The following IMMP2L variants were observed in gnomAD, a reference collection of about 807,000 sequenced individuals.
The protein encoded by IMMP2L is mitochondrial inner membrane protease subunit 2.
A neutral mutation model predicts 19.3 loss-of-function variants in IMMP2L; 18 were observed. The observed-to-expected ratio is 0.93, with a 90% CI of 0.64 to 1.38. The LOEUF (loss-of-function observed/expected upper bound fraction) is 1.38, where lower values mean the gene tolerates loss of function less well. IMMP2L is among the 40% of genes most tolerant of loss of function. IMMP2L has a pLI of 0.00. For synonymous variants in IMMP2L, 76 were observed against 73.0 expected (o/e 1.04, Z -0.21); for missense variants, 233 against 218.2 (o/e 1.07, Z -0.43).
chr7:110,882,981 C>T (rs938513595), intron 5 of IMMP2L, among the ~76,000 whole-genome samples: 1 of 152,014 alleles, frequency 6.6e-6, no homozygotes, highest in African/African-American at 2.4e-5. Context: ...CACAGGTGCT[C>T]AAAAATGTGT....
chr7:111,514,777 A>T (rs755524835), intron 2 of IMMP2L, among the ~76,000 whole-genome samples: 1 of 152,198 alleles, frequency 6.6e-6, no homozygotes, highest in East Asian at 1.9e-4. Flanking sequence ...TATTCTTGCC[A>T]TATTATTTTA....
chr7:110,750,733 T>G (rs1273731935), intron 5 of IMMP2L, among the ~76,000 whole-genome samples: 1 of 152,026 alleles, frequency 6.6e-6, no homozygotes, highest in East Asian at 1.9e-4. Context: ...CCAAATACTG[T>G]ATTTTCTGTA....
chr7:111,480,969 C>T (rs1420044320), intron 3 of IMMP2L, among the ~76,000 whole-genome samples: 1 of 152,082 alleles, frequency 6.6e-6, no homozygotes, highest in African/African-American at 2.4e-5. Flanking sequence ...AAGCATCTTT[C>T]GTTTTTCTTT....
chr7:110,786,214 C>T (rs1800067087), intron 5 of IMMP2L, among the ~76,000 whole-genome samples: 1 of 151,910 alleles, frequency 6.6e-6, no homozygotes, highest in African/African-American at 2.4e-5. Context: ...TTATAATAAG[C>T]TGTATCAAAT....
At chr7:110,937,475 C>T (rs1816249566) in intron 4 of IMMP2L, among the ~76,000 whole-genome samples, 2 of 152,222 alleles carry the variant, frequency 1.3e-5, no homozygotes, top group African/African-American at 4.8e-5. Flanking sequence ...TCCGGGTACT[C>T]CAAGCTTAGG....
chr7:111,310,914 T>A (rs1191947624), intron 3 of IMMP2L, among the ~76,000 whole-genome samples: 3 of 152,200 alleles, frequency 2.0e-5, no homozygotes, highest in Non-Finnish European at 1.5e-5. Flanking sequence ...CAGAGCATTA[T>A]GGTTTCTAAC....
intron 3 of IMMP2L, among the ~76,000 whole-genome samples, chr7:111,120,554 A>G (rs902640902): frequency 6.6e-6 from 1 of 152,152 alleles, no homozygotes. Flanking sequence ...CAGCCAAACC[A>G]TATCAGTGAT....
At chr7:110,683,055 T>C (rs1432596192) in intron 5 of IMMP2L, among the ~76,000 whole-genome samples, 1 of 152,042 alleles carries the variant, frequency 6.6e-6, no homozygotes, top group East Asian at 1.9e-4. Context: ...ATACATCAGA[T>C]AAGATGAGTG....
chr7:110,998,408 G>A (rs1281769782), intron 3 of IMMP2L, among the ~76,000 whole-genome samples: 1 of 152,160 alleles, frequency 6.6e-6, no homozygotes, highest in Non-Finnish European at 1.5e-5. Flanking sequence ...TTACTAGAAT[G>A]AAGAGAAGAT....
At position 110,819,254 on chromosome 7, in the gene IMMP2L, G is replaced by C. The variant is rs145148357; in HGVS notation, c.408+67339C>G. On this transcript the variant is annotated intron_variant, in intron 5 of 5. Transcript: ENST00000405709. ...TGGAAGTCATGGTAAGGTAAAGATA[G>C]GTTACAGCGGAAGAGAAGCAGCTTA... Among the ~76,000 whole-genome samples the C allele has an allele frequency of 3.0e-3, 460 of 152,116 alleles. 1 individual carries two copies. The highest frequency in any genetic ancestry group is 0.01 in the African/African-American group (430 of 41,530).
intron 5 of IMMP2L, among the ~76,000 whole-genome samples, chr7:110,698,790 T>C (rs1224127167): frequency 1.3e-5 from 2 of 152,184 alleles, no homozygotes; most frequent in Non-Finnish European, 2.9e-5. Context: ...ACCACATCAT[T>C]TGAGTCATCA....
intron 3 of IMMP2L, among the ~76,000 whole-genome samples, chr7:111,114,328 GCCAC>G (rs1799590032): frequency 6.6e-6 from 1 of 151,950 alleles, no homozygotes; most frequent in African/African-American, 2.4e-5. Context: ...CTATCTCTAT[GCCAC>G]TGTTTGACAG....
chr7:110,841,414 T>G (rs1237309204), intron 5 of IMMP2L, among the ~76,000 whole-genome samples: 4 of 145,028 alleles, frequency 2.8e-5, no homozygotes, highest in Non-Finnish European at 6.2e-5. Flanking sequence ...TAATGAAAAA[T>G]CTATGCACGA....
chr7:110,988,753 A>T (rs995287298), intron 3 of IMMP2L, among the ~76,000 whole-genome samples: 5 of 152,160 alleles, frequency 3.3e-5, no homozygotes, highest in African/African-American at 9.7e-5. Flanking sequence ...AGTTAAGTGA[A>T]TTATTGTATT....
At chr7:110,859,020 T>C (rs572572968) in intron 5 of IMMP2L, among the ~76,000 whole-genome samples, 1 of 152,270 alleles carries the variant, frequency 6.6e-6, no homozygotes, top group East Asian at 1.9e-4. Context: ...TCAATCATTT[T>C]GGTTTGTAGA....
intron 1 of IMMP2L, among the ~76,000 whole-genome samples, chr7:111,531,139 T>C (rs1045409194): frequency 6.6e-6 from 1 of 151,866 alleles, no homozygotes; most frequent in Non-Finnish European, 1.5e-5. Context: ...GTATTTTTAG[T>C]AGAAACAGGG....
chr7:111,500,955 G>A lies in IMMP2L; in HGVS notation c.136-13614C>T, dbSNP rs1176510316. ...AGGAACGCAGCTCCTCACCAGCAAC[G>A]GAACAAAGCTGGACGGAGAATGACT... is the stretch of plus-strand genomic sequence containing the variant. On this transcript the variant is annotated intron_variant, in intron 2 of 5. Coordinates refer to ENST00000405709, the MANE Select transcript of IMMP2L (RefSeq NM_032549.4). Among the ~76,000 whole-genome samples, 8 of 152,270 alleles carry A rather than the reference G, an allele frequency of 5.3e-5. No homozygotes were observed. The East Asian group carries it at 5.8e-4, about 11-fold the overall frequency.
At chr7:111,201,429 G>A (rs1810103070) in intron 3 of IMMP2L, among the ~76,000 whole-genome samples, 1 of 151,980 alleles carries the variant, frequency 6.6e-6, no homozygotes, top group Admixed American at 6.6e-5. Context: ...ATTAAGAGGT[G>A]GAGCCTCTGG....
chr7:110,974,614 C>T (rs997077569), intron 3 of IMMP2L, among the ~76,000 whole-genome samples: 3 of 152,136 alleles, frequency 2.0e-5, no homozygotes, highest in East Asian at 1.9e-4. Context: ...TCTTTCTCAC[C>T]GCTGCCATCT....
Sources: gnomAD v4.1 joint callset for allele counts (sites outside exome capture counted in the v4.1 genomes callset) on GRCh38, gnomAD v4.1.1 for gene constraint, MANE v1.5 for transcripts, NCBI Gene and HGNC (gene_info 2026-07-23, HGNC 2026-07-21) for gene names.